The following ZBTB25 variants were observed in gnomAD, a reference collection of about 807,000 sequenced individuals.
ZBTB25 encodes the protein zinc finger and BTB domain-containing protein 25.
In ZBTB25, 20 loss-of-function variants were observed where a neutral mutation model predicts 34.2. The ratio of observed to expected loss-of-function variants is 0.58; its 90% confidence interval spans 0.41 to 0.85. The LOEUF (loss-of-function observed/expected upper bound fraction) is 0.85, where lower values mean the gene tolerates loss of function less well. Among genes scored for constraint, ZBTB25 ranks in the 40% least tolerant of loss-of-function variants. ZBTB25 has a pLI of 0.00. For synonymous variants in ZBTB25, 175 were observed against 186.4 expected (o/e 0.94, Z 0.50); for missense variants, 437 against 521.8 (o/e 0.84, Z 1.58).
At chr14:64,491,911 G>A (rs2079093525) in intron 1 of ZBTB25, among the ~76,000 whole-genome samples, 1 of 152,102 alleles carries the variant, frequency 6.6e-6, no homozygotes, top group South Asian at 2.1e-4. Context: ...AGACAGCTAA[G>A]TGATCAGTAA....
chr14:64,464,796 G>A (rs2078592861), intron 2 of ZBTB25, among the ~76,000 whole-genome samples: 1 of 152,204 alleles, frequency 6.6e-6, no homozygotes, highest in African/African-American at 2.4e-5. Context: ...TTGGAACTAT[G>A]TAAGGTATAA....
At chr14:64,457,274 C>CCT (rs2078489762) in intron 2 of ZBTB25, among the ~76,000 whole-genome samples, 1 of 152,140 alleles carries the variant, frequency 6.6e-6, no homozygotes, top group Non-Finnish European at 1.5e-5. Context: ...CCCTGTACCT[C>CCT]CTTTTGGTCT....
intron 1 of ZBTB25, among the ~76,000 whole-genome samples, chr14:64,501,078 AG>A (rs1274170124): frequency 1.3e-5 from 2 of 152,180 alleles, no homozygotes; most frequent in African/African-American, 4.8e-5. Context: ...AAAAAACCCC[AG>A]AAGTATAAAA....
chr14:64,452,795 T>C (rs2078395800), intron 2 of ZBTB25, among the ~76,000 whole-genome samples: 1 of 152,254 alleles, frequency 6.6e-6, no homozygotes, highest in African/African-American at 2.4e-5. Flanking sequence ...GGTTGTCTTA[T>C]TTCATAAACA....
rs149296649 is a variant in ZBTB25, at chr14:64,487,920, G to A, written c.311C>T (p.Ala104Val). 1 of 1,614,032 alleles carries A rather than the reference G, an allele frequency of 6.2e-7. No individual in the cohort carries two copies. Among genetic ancestry groups the A allele is most frequent in the Non-Finnish European group, 8.5e-7 (1 of 1,180,044 alleles). ...RLEEGIRFLHADYLSHIATEM... is the reference protein window; with the variant it reads ...RLEEGIRFLHVDYLSHIATEM... Reference sequence around the variant, plus strand: ...AGTTGCAATGTGAGAAAGGTAGTCGGCGTGAAGAAATCGAATCCCTTCCTC... The same window carrying A: ...AGTTGCAATGTGAGAAAGGTAGTCGACGTGAAGAAATCGAATCCCTTCCTC... Residue 104 changes from alanine (A) to valine (V), a missense_variant, in exon 3 of 3, where the codon GCC becomes GTC. Coordinates refer to ENST00000608382, the MANE Select transcript of ZBTB25 (RefSeq NM_006977.5).
intron 2 of ZBTB25, among the ~76,000 whole-genome samples, chr14:64,488,406 A>T (rs1328327036): frequency 6.6e-6 from 1 of 152,172 alleles, no homozygotes; most frequent in Non-Finnish European, 1.5e-5. Flanking sequence ...GGAATTTAAC[A>T]GTCTATCAAG....
At chr14:64,502,045 G>C (rs1016828060) in intron 1 of ZBTB25, among the ~76,000 whole-genome samples, 4 of 152,194 alleles carry the variant, frequency 2.6e-5, no homozygotes, top group Non-Finnish European at 5.9e-5. Context: ...TATTACCACA[G>C]CCCAGGTAAT....
downstream of ZBTB25, among the ~76,000 whole-genome samples, chr14:64,475,637 G>A (rs949143142): frequency 2.0e-5 from 3 of 152,080 alleles, no homozygotes; most frequent in African/African-American, 7.2e-5. Flanking sequence ...TAAGCTTACT[G>A]GGGGTTAAGT....
chr14:64,487,301 G>A lies in ZBTB25; in HGVS notation c.930C>T (p.Asp310=), dbSNP rs1208245025. 1.1e-5 allele frequency: 17 copies of A among 1,613,914 alleles called. No individual in the cohort carries two copies. Among genetic ancestry groups the A allele is most frequent in the Non-Finnish European group, 1.4e-5 (16 of 1,180,038 alleles). The change falls in exon 3 of 3, where the codon GAC becomes GAT. Residue 310 remains aspartate, a synonymous_variant. Coordinates refer to ENST00000608382, the MANE Select transcript of ZBTB25 (RefSeq NM_006977.5). ...GCTCTGTGGTACCCCGGTTGGTGTGGTCTGGCTGCTGTTCATTCTCCTTAA... is the reference window on the plus strand; with the variant it reads ...GCTCTGTGGTACCCCGGTTGGTGTGATCTGGCTGCTGTTCATTCTCCTTAA... ...FIVKENEQQP[D]HTNRGTTEPL...
In ZBTB25 at chr14:64,484,859, G is replaced by A; in HGVS notation, c.*2064C>T. The A allele has an allele frequency of 4.1e-6, 1 of 244,732 alleles. No homozygotes were observed. The highest frequency in any genetic ancestry group is 6.5e-6 in the Non-Finnish European group (1 of 152,856). 15.2% of individuals were successfully genotyped at this position (244,732 alleles called of 1,614,324 possible). A position where few individuals can be genotyped will look rare whatever the true frequency, so the allele number is the denominator to read the frequency against. On this transcript the variant is annotated 3_prime_UTR_variant, in exon 3 of 3. Transcript: ENST00000608382. Reference sequence around the variant, plus strand: ...GTTAATACTTGTGTTCTTCCAATGAGATGATATTTTTGAGGGCAGTACAAA... The same window carrying A: ...GTTAATACTTGTGTTCTTCCAATGAAATGATATTTTTGAGGGCAGTACAAA...
At position 64,459,574 on chromosome 14, in the gene ZBTB25, A is replaced by G. The variant is rs143975333; in HGVS notation, c.174-9936T>C. On this transcript the variant is annotated intron_variant, in intron 2 of 2. Transcript: ENST00000555220. ...TCTTGAACAGTATTCACACAGTACT[A>G]TGGAAATACCATGCATCATTTTCAA... 4.3e-3 allele frequency among the ~76,000 whole-genome samples: 648 copies of G among 152,328 alleles called. 5 individuals are homozygous for G. Among genetic ancestry groups the G allele is most frequent in the African/African-American group, 0.014 (596 of 41,578 alleles).
At chr14:64,467,643 T>C (rs1015909533) in intron 2 of ZBTB25, 3 of 151,992 alleles carry the variant, frequency 2.0e-5, no homozygotes, top group Non-Finnish European at 2.9e-5. Context: ...TATGACCTTA[T>C]CTAGTTGCAT....
chr14:64,489,680 C>A (rs376468243), intron 2 of ZBTB25, among the ~76,000 whole-genome samples: 1 of 151,430 alleles, frequency 6.6e-6, no homozygotes, highest in Non-Finnish European at 1.5e-5. Flanking sequence ...GGACTACAGG[C>A]GCCCACCACC....
intron 2 of ZBTB25, chr14:64,454,582 G>A: frequency 2.8e-6 from 2 of 704,132 alleles, no homozygotes; most frequent in African/African-American, 1.8e-5. Flanking sequence ...ATAAGCTGGA[G>A]GACAGCAAGA....
At chr14:64,505,049 C>T, upstream of ZBTB25, 1 of 375,796 alleles carries the variant, frequency 2.7e-6, no homozygotes, top group Non-Finnish European at 4.7e-6. Context: ...GGGCGCCGAT[C>T]CGTGCGGGGA....
rs2078941440 is a variant in ZBTB25, at chr14:64,488,061, T to C, written c.174-4A>G. On this transcript the variant is annotated splice_region_variant and splice_polypyrimidine_tract_variant and intron_variant, in intron 2 of 2. Transcript: ENST00000608382. ...TGGTTGTATTTTTATGCATTCACTGTTAAAAACAAAAACAGACCCACAAGA... is the reference window on the plus strand; with the variant it reads ...TGGTTGTATTTTTATGCATTCACTGCTAAAAACAAAAACAGACCCACAAGA... The C allele has an allele frequency of 6.2e-7, 1 of 1,607,860 alleles. No homozygotes were observed. The highest frequency in any genetic ancestry group is 2.2e-5 in the East Asian group (1 of 44,744).
intron 1 of ZBTB25, chr14:64,499,566 CAAAAAAAAAA>C (rs1317692809): frequency 2.0e-5 from 2 of 98,072 alleles, no homozygotes; most frequent in Admixed American, 2.3e-4. Flanking sequence ...AACTCCATCT[CAAAAAAAAAA>C]AGAAAAAGAA....
chr14:64,486,372 A>G lies in ZBTB25; in HGVS notation c.*551T>C, dbSNP rs2078863140. 3.0e-6 allele frequency: 3 copies of G among 985,432 alleles called. No individual in the cohort carries two copies. The highest frequency in any genetic ancestry group is 3.6e-6 in the Non-Finnish European group (3 of 829,910). 61.0% of individuals were successfully genotyped at this position (985,432 alleles called of 1,614,324 possible). A position where few individuals can be genotyped will look rare whatever the true frequency, so the allele number is the denominator to read the frequency against. On this transcript the variant is annotated 3_prime_UTR_variant, in exon 3 of 3. Coordinates refer to ENST00000608382, the MANE Select transcript of ZBTB25 (RefSeq NM_006977.5). Reference sequence around the variant, plus strand: ...CATGTAGGTAAGATGTTGTGGAGCTAGTAGTTAAAAAATAAAACTACTCAT... The same window carrying G: ...CATGTAGGTAAGATGTTGTGGAGCTGGTAGTTAAAAAATAAAACTACTCAT...
chr14:64,473,811 C>G (rs568082347), downstream of ZBTB25: 2 of 166,848 alleles, frequency 1.2e-5, no homozygotes, highest in South Asian at 4.1e-4. Context: ...ATTTAGAGTT[C>G]TTTAGGTTCA....
Sources: gnomAD v4.1 joint callset for allele counts (sites outside exome capture counted in the v4.1 genomes callset) on GRCh38, gnomAD v4.1.1 for gene constraint, MANE v1.5 for transcripts, NCBI Gene and HGNC (gene_info 2026-07-23, HGNC 2026-07-21) for gene names.